Variants in NOD2 observed in about 807,000 individuals in gnomAD.
NOD2 encodes nucleotide-binding oligomerization domain-containing protein 2.
NOD2 carries 86 observed loss-of-function variants against 90.9 expected under a neutral mutation model. The ratio of observed to expected loss-of-function variants is 0.95; its 90% CI spans 0.79 to 1.13. NOD2 has a LOEUF of 1.13. Ranked by LOEUF, NOD2 falls within the 50% of genes most tolerant of loss-of-function variation. NOD2 has a pLI of 0.00. For missense variants in NOD2, 1,238 were observed against 1,283.8 expected (o/e 0.96, Z 0.55); for synonymous variants, 581 against 554.6 (o/e 1.05, Z -0.67).
Position 50,711,231 on chromosome 16 carries a change from C to G in NOD2, c.1239C>G (p.Thr413=). ...VSAFLRKYIR[T]EFNLKGFSEQ... ...CGTTCCTCAGGAAGTACATCCGCAC[C>G]GAGTTCAACCTCAAGGGCTTCTCTG... is the stretch of plus-strand genomic sequence containing the variant. The change falls in exon 4 of 12, where the codon ACC becomes ACG. Residue 413 remains threonine (T), a synonymous_variant. Transcript: ENST00000647318. The G allele has an allele frequency of 6.2e-7, 1 of 1,614,008 alleles. No homozygotes were observed. The highest frequency in any genetic ancestry group is 8.5e-7 in the Non-Finnish European group (1 of 1,180,038).
In NOD2 at chr16:50,711,422, G is replaced by T. The variant is rs775823953; in HGVS notation, c.1430G>T (p.Gly477Val). 1 of 1,613,544 alleles carries T rather than the reference G, an allele frequency of 6.2e-7. No individual in the cohort carries two copies. Among genetic ancestry groups the T allele is most frequent in the South Asian group, 1.1e-5 (1 of 91,086 alleles). Residue 477 changes from glycine to valine, a missense_variant, in exon 4 of 12, where the codon GGG becomes GTG. By Grantham distance (109) the Gly-to-Val change is moderately radical. Around this residue, in one of 3 missense-constraint regions of NOD2, gnomAD observed 667 missense variants for 688.7 expected, o/e 0.97. Transcript: ENST00000647318. ...KCHQELLLQE[G>V]GSPKTTTDMY... ...CACCAGGAACTGTTGCTGCAGGAGG[G>T]GGGGTCCCCAAAGACCACTACAGAT...
chr16:50,703,563 C>T lies in NOD2; in HGVS notation c.459+3609C>T, dbSNP rs144204109. 2.6e-3 allele frequency among the ~76,000 whole-genome samples: 394 copies of T among 151,652 alleles called. 10 individuals are homozygous for T. In the East Asian group the frequency reaches 0.064, roughly 25 times the overall value. On this transcript the variant is annotated intron_variant, in intron 2 of 11. Transcript: ENST00000647318. ...CTGAGGCAGGAGAATCGCTTGAACC[C>T]GGGAGGCAGATGTTGCAGTGAGCCG...
chr16:50,723,309 G>A lies in NOD2; in HGVS notation c.2726G>A (p.Gly909Glu), dbSNP rs542558237. 6.2e-7 allele frequency: 1 copy of A among 1,613,778 alleles called. No homozygotes were observed. Among genetic ancestry groups the A allele is most frequent in the East Asian group, 2.2e-5 (1 of 44,856 alleles). Residue 909 changes from glycine to glutamate, a missense_variant, in exon 9 of 12, where the codon GGG (glycine) becomes GAG (glutamate). By Grantham distance (98) the Gly-to-Glu change is moderately conservative. Around this residue, in one of 3 missense-constraint regions of NOD2, gnomAD observed 667 missense variants for 688.7 expected, o/e 0.97. Coordinates refer to ENST00000647318, the MANE Select transcript of NOD2 (RefSeq NM_001370466.1). ...TCCATGATTACCTCCAGCCTGGTGG[G>A]GAACAACATTGGCAGTGTGGGTGCC... The part of the protein sequence containing the change: ...HQSLRWLSLV[G>E]NNIGSVGAQA...
intron 5 of NOD2, 61 bp downstream of exon 5, chr16:50,716,731 G>A: frequency 6.4e-7 from 1 of 1,550,884 alleles, no homozygotes; most frequent in Non-Finnish European, 8.9e-7. Flanking sequence ...CCCAGGTCGT[G>A]CAGCCTGGGA....
chr16:50,721,461 G>A (rs1272493131), intron 7 of NOD2, among the ~76,000 whole-genome samples: 1 of 144,186 alleles, frequency 6.9e-6, no homozygotes, highest in Non-Finnish European at 1.5e-5. Flanking sequence ...AGGTCATTAT[G>A]ACCTCTTTAT....
chr16:50,726,941 T>C (rs975638289), intron 10 of NOD2, among the ~76,000 whole-genome samples: 19 of 151,900 alleles, frequency 1.3e-4, no homozygotes, highest in Non-Finnish European at 2.2e-4. Flanking sequence ...GGGAGTTCCA[T>C]ACCAGCCTGA....
At chr16:50,720,467 G>A (rs896501820) in intron 7 of NOD2, among the ~76,000 whole-genome samples, 1 of 152,170 alleles carries the variant, frequency 6.6e-6, no homozygotes, top group Admixed American at 6.5e-5. Flanking sequence ...AAGGAAATGG[G>A]GAAGGATAGG....
chr16:50,710,490 C>G, intron 3 of NOD2, 68 bp from the exon 4 acceptor site: 4 of 1,607,630 alleles, frequency 2.5e-6, no homozygotes, highest in Non-Finnish European at 3.4e-6. Context: ...CCGCAGCAGC[C>G]CATTGTCTGG....
intron 1 of NOD2, chr16:50,697,052 G>A: frequency 1.6e-6 from 1 of 633,874 alleles, no homozygotes; most frequent in Non-Finnish European, 2.9e-6. Flanking sequence ...TGCCAGAATT[G>A]CTTGGAATTG....
chr16:50,722,328 A>G (rs1423415388), intron 7 of NOD2, among the ~76,000 whole-genome samples: 1 of 152,134 alleles, frequency 6.6e-6, no homozygotes, highest in Non-Finnish European at 1.5e-5. Context: ...ACTGTAAATT[A>G]CTCTTGTCAG....
chr16:50,724,187 G>A (rs889744430), intron 9 of NOD2, among the ~76,000 whole-genome samples: 4 of 152,250 alleles, frequency 2.6e-5, no homozygotes, highest in Admixed American at 1.3e-4. Flanking sequence ...TGATTTTCCC[G>A]GGAAGCAGAA....
intron 7 of NOD2, among the ~76,000 whole-genome samples, chr16:50,721,857 A>G (rs764504235): frequency 6.6e-6 from 1 of 152,150 alleles, no homozygotes; most frequent in Non-Finnish European, 1.5e-5. Context: ...CTTTTTGATG[A>G]CTATTAAGTT....
chr16:50,700,087 C>T, intron 2 of NOD2, 133 bp downstream of exon 2: 2 of 807,162 alleles, frequency 2.5e-6, no homozygotes, highest in Admixed American at 4.3e-5. Context: ...GGTAGCCAGG[C>T]AGGTAAAATT....
At chr16:50,707,785 A>C in intron 2 of NOD2, 70 bp from the exon 3 acceptor site, 1 of 1,047,754 alleles carries the variant, frequency 9.5e-7, no homozygotes, top group East Asian at 2.4e-5. Flanking sequence ...AAGTTGCAGT[A>C]ATCAGTAAGC....
rs777949388 is a variant in NOD2 at position 50,711,545 on chromosome 16, C to T, written c.1553C>T (p.Pro518Leu). 5.3e-5 allele frequency: 86 copies of T among 1,612,618 alleles called. 2 individuals carry two copies. In the South Asian group the frequency reaches 8.9e-4, roughly 17 times the overall value. Residue 518 changes from proline to leucine, a missense_variant, in exon 4 of 12, where the codon CCC becomes CTC. Pro to Leu is a moderately conservative substitution (Grantham distance 98). Transcript: ENST00000647318. The part of the protein sequence containing the change: ...LGPSLLRGRL[P>L]TLLHLGRLAL... ...CCCAGTCTTCTTCGGGGCCGCCTCC[C>T]CACCCTCCTGCACCTGGGCAGACTG...
chr16:50,725,434 T>C, intron 9 of NOD2, 55 bp from the exon 10 acceptor site: 1 of 1,391,092 alleles, frequency 7.2e-7, no homozygotes, highest in South Asian at 1.2e-5. Flanking sequence ...TGTGAGTTCA[T>C]CATCTTCCAT....
intron 1 of NOD2, among the ~76,000 whole-genome samples, chr16:50,694,740 A>G (rs1242296785): frequency 1.3e-5 from 2 of 152,232 alleles, no homozygotes; most frequent in African/African-American, 4.8e-5. Flanking sequence ...TCTTTCCAGC[A>G]GTCATCATTC....
intron 7 of NOD2, among the ~76,000 whole-genome samples, chr16:50,722,052 G>A (rs1965083222): frequency 6.6e-6 from 1 of 152,200 alleles, no homozygotes; most frequent in Non-Finnish European, 1.5e-5. Context: ...CAGTCAATAA[G>A]TCAGAAGGTG....
chr16:50,723,157 AAAAAG>A (rs1439974343), intron 8 of NOD2, 139 bp from the exon 9 acceptor site: 1 of 644,114 alleles, frequency 1.6e-6, no homozygotes, highest in Non-Finnish European at 2.7e-6. Context: ...AAAAAAAAGA[AAAAAG>A]AAAGAGCACC....
Sources: allele counts gnomAD v4.1 joint callset (sites outside exome capture counted in the v4.1 genomes callset), GRCh38; gene constraint gnomAD v4.1.1; regional missense constraint gnomAD v4.1.1; transcripts MANE v1.5; gene names NCBI Gene and HGNC (gene_info 2026-07-23, HGNC 2026-07-21).